Variants in PLXDC2 observed in about 807,000 individuals in gnomAD.
PLXDC2 encodes plexin domain containing 2.
Under a neutral mutation model 68.9 loss-of-function variants are expected in PLXDC2, and 40 were observed. That is an observed-to-expected ratio of 0.58 (90% confidence interval 0.45 to 0.76). PLXDC2 has a LOEUF of 0.76. PLXDC2 is among the 30% of genes least tolerant of loss of function. The pLI is 0.00. For synonymous variants in PLXDC2, 243 were observed against 234.2 expected, an observed-to-expected ratio of 1.04 and a Z score of -0.34; for missense variants, 644 against 661.9, an observed-to-expected ratio of 0.97 and a Z score of 0.30.
chr10:20,285,957 A>C lies in PLXDC2; in HGVS notation c.*6138A>C, dbSNP rs1836148297. The C allele has an allele frequency of 6.6e-6, 1 of 152,336 alleles. No homozygotes were observed. The highest frequency in any genetic ancestry group is 1.5e-5 in the Non-Finnish European group (1 of 68,030). 9.4% of individuals were successfully genotyped at this position (152,336 alleles called of 1,614,324 possible). A position where few individuals can be genotyped will look rare whatever the true frequency, so the allele number is the denominator to read the frequency against. ...ATCTAGCCTCAACTTAAATTGTAAT[A>C]CATCTGCCTAATTATTGTCTGGAAT... is the stretch of plus-strand genomic sequence containing the variant. On this transcript the variant is annotated 3_prime_UTR_variant, in exon 14 of 14. Coordinates refer to ENST00000377252, the MANE Select transcript of PLXDC2 (RefSeq NM_032812.9).
intron 4 of PLXDC2, among the ~76,000 whole-genome samples, chr10:20,079,080 A>G (rs536337134): frequency 3.3e-5 from 5 of 152,252 alleles, no homozygotes; most frequent in South Asian, 2.1e-4. Context: ...TTAAAAATTC[A>G]TGGCATTTAA....
At chr10:19,879,606 T>C (rs1837693512) in intron 1 of PLXDC2, among the ~76,000 whole-genome samples, 1 of 152,204 alleles carries the variant, frequency 6.6e-6, no homozygotes, top group African/African-American at 2.4e-5. Flanking sequence ...ACTGAGACGG[T>C]TGTATTGACT....
At chr10:19,895,099 A>G (rs1265420658) in intron 1 of PLXDC2, among the ~76,000 whole-genome samples, 1 of 152,208 alleles carries the variant, frequency 6.6e-6, no homozygotes, top group African/African-American at 2.4e-5. Context: ...ATGCAGCCAT[A>G]AAAAAGGATG....
intron 1 of PLXDC2, among the ~76,000 whole-genome samples, chr10:19,901,169 T>C (rs537075598): frequency 2.8e-4 from 42 of 152,240 alleles, no homozygotes; most frequent in South Asian, 2.7e-3. Context: ...TATAAAGACT[T>C]CTTTTCCTCT....
At chr10:19,944,348 C>A (rs1439632470) in intron 1 of PLXDC2, among the ~76,000 whole-genome samples, 1 of 150,554 alleles carries the variant, frequency 6.6e-6, no homozygotes, top group Non-Finnish European at 1.5e-5. Flanking sequence ...ATGGATATGC[C>A]AGATATTATA....
chr10:19,830,212 T>C (rs951189081), intron 1 of PLXDC2, among the ~76,000 whole-genome samples: 1 of 150,558 alleles, frequency 6.6e-6, no homozygotes, highest in Non-Finnish European at 1.5e-5. Context: ...GAAATAGATA[T>C]TTAAGAGATT....
intron 1 of PLXDC2, among the ~76,000 whole-genome samples, chr10:19,894,321 TC>T (rs1838018273): frequency 2.0e-5 from 3 of 151,862 alleles, no homozygotes. Flanking sequence ...TTAATTTGTT[TC>T]CCAAACTTTT....
intron 13 of PLXDC2, among the ~76,000 whole-genome samples, chr10:20,270,725 A>G (rs560804649): frequency 6.6e-6 from 1 of 152,090 alleles, no homozygotes; most frequent in Non-Finnish European, 1.5e-5. Context: ...TTGTATTTTT[A>G]GTAGAGACGG....
In PLXDC2 at chr10:20,087,469, C is replaced by T. The variant is rs78079073; in HGVS notation, c.541+19230C>T. Among the ~76,000 whole-genome samples, 702 of 152,312 alleles carry T rather than the reference C, an allele frequency of 4.6e-3. 5 individuals carry two copies. Among genetic ancestry groups the T allele is most frequent in the African/African-American group, 0.016 (657 of 41,562 alleles). The stretch of plus-strand genomic sequence containing the variant: ...TCATTCTTATTCCATTTGCCTTCCA[C>T]GGAGAGTAACTTCCAGCCAATAAAT... On this transcript the variant is annotated intron_variant, in intron 4 of 13. Transcript: ENST00000377252.
intron 13 of PLXDC2, among the ~76,000 whole-genome samples, chr10:20,276,599 A>G (rs1329713540): frequency 3.3e-5 from 5 of 152,226 alleles, no homozygotes; most frequent in South Asian, 2.1e-4. Flanking sequence ...TCTGTAATGA[A>G]TTAACATTAC....
chr10:20,152,473 C>T (rs922030885), intron 6 of PLXDC2, among the ~76,000 whole-genome samples: 1 of 152,076 alleles, frequency 6.6e-6, no homozygotes, highest in African/African-American at 2.4e-5. Flanking sequence ...TACTGTTACA[C>T]AGCTGCATAT....
intron 1 of PLXDC2, among the ~76,000 whole-genome samples, chr10:19,855,395 G>A (rs1022104401): frequency 6.6e-6 from 1 of 152,042 alleles, no homozygotes; most frequent in African/African-American, 2.4e-5. Context: ...AAACAGAACT[G>A]GATTTGAGTC....
intron 4 of PLXDC2, among the ~76,000 whole-genome samples, chr10:20,092,028 C>A (rs931870566): frequency 1.3e-5 from 2 of 151,694 alleles, no homozygotes; most frequent in Non-Finnish European, 1.5e-5. Context: ...TAATCCCAAC[C>A]TTAGACAAAT....
intron 4 of PLXDC2, among the ~76,000 whole-genome samples, chr10:20,124,082 G>A (rs189554942): frequency 6.7e-4 from 102 of 152,170 alleles, no homozygotes; most frequent in African/African-American, 1.7e-3. Flanking sequence ...ACAGAAAAGC[G>A]GAACTTGCCG....
In PLXDC2 at chr10:20,149,229, C is replaced by CTTTTTTTTTTTTTTTTTTTT. The variant is rs71200986; in HGVS notation, c.783+1334_783+1353dup. 2.4e-3 allele frequency among the ~76,000 whole-genome samples: 85 copies of CTTTTTTTTTTTTTTTTTTTT among 34,942 alleles called. 2 individuals carry two copies. The highest frequency in any genetic ancestry group is 3.9e-3 in the Admixed American group (7 of 1,818). The allele number at this position is 34,942 out of a possible 152,430, so 22.9% of individuals were successfully genotyped here. ...ATTTTTCTTTCTTTTTTTTTCTTTT[C>CTTTTTTTTTTTTTTTTTTTT]TTTTTTTTTTTTTTTTTTTTTTTTT... On this transcript the variant is annotated intron_variant, in intron 6 of 13. Coordinates refer to ENST00000377252, the MANE Select transcript of PLXDC2 (RefSeq NM_032812.9).
At chr10:20,151,756 A>G (rs1359256304) in intron 6 of PLXDC2, among the ~76,000 whole-genome samples, 2 of 152,140 alleles carry the variant, frequency 1.3e-5, no homozygotes, top group Non-Finnish European at 2.9e-5. Flanking sequence ...CTAAGAGCAT[A>G]TAATTACAAG....
chr10:20,060,488 TAA>T (rs58942454), intron 3 of PLXDC2, among the ~76,000 whole-genome samples: 7,821 of 138,946 alleles, frequency 0.056, 365 homozygotes, highest in African/African-American at 0.12. Flanking sequence ...CCTGGAATGT[TAA>T]AAAAAAAAAA....
chr10:19,944,087 G>A (rs1336686342), intron 1 of PLXDC2, among the ~76,000 whole-genome samples: 1 of 152,140 alleles, frequency 6.6e-6, no homozygotes, highest in Non-Finnish European at 1.5e-5. Flanking sequence ...GATTATAACT[G>A]CAATGTTCTC....
intron 1 of PLXDC2, among the ~76,000 whole-genome samples, chr10:19,939,766 G>T (rs1320841251): frequency 6.6e-6 from 1 of 152,098 alleles, no homozygotes; most frequent in African/African-American, 2.4e-5. Flanking sequence ...GAACACAGTG[G>T]CTGAAAAAGA....
Sources: allele counts gnomAD v4.1 joint callset (sites outside exome capture counted in the v4.1 genomes callset), GRCh38; gene constraint gnomAD v4.1.1; transcripts MANE v1.5; gene names NCBI Gene and HGNC (gene_info 2026-07-23, HGNC 2026-07-21).